PLCB1: variants seen among roughly 807,000 people sequenced by gnomAD.
PLCB1 encodes phospholipase C beta 1.
PLCB1 carries 46 observed loss-of-function variants against 161.8 expected under a neutral mutation model. The observed-to-expected ratio is 0.28, with a 90% CI of 0.22 to 0.36. PLCB1 has a LOEUF of 0.36. Ranked by LOEUF, PLCB1 falls within the 10% of genes least tolerant of loss-of-function variation. PLCB1 has a pLI of 1.00. For synonymous variants in PLCB1, 517 were observed against 503.7 expected (o/e 1.03, Z -0.35); for missense variants, 1,016 against 1,472.5 (o/e 0.69, Z 5.07).
intron 2 of PLCB1, among the ~76,000 whole-genome samples, chr20:8,199,914 C>T (rs942868668): frequency 6.6e-6 from 1 of 152,178 alleles, no homozygotes; most frequent in South Asian, 2.1e-4. Flanking sequence ...GTCGATTCTA[C>T]AGTGAGCATA....
chr20:8,669,159 T>C (rs1989886424), intron 9 of PLCB1, among the ~76,000 whole-genome samples: 1 of 152,242 alleles, frequency 6.6e-6, no homozygotes, highest in African/African-American at 2.4e-5. Context: ...ATCTAGCTAA[T>C]ATTCATTCAT....
At chr20:8,378,816 A>G (rs73591759) in intron 3 of PLCB1, among the ~76,000 whole-genome samples, 2,860 of 152,300 alleles carry the variant, frequency 0.019, 65 homozygotes, top group Middle Eastern at 0.058. Flanking sequence ...CTAAGTTTAT[A>G]TAATATTCTA....
At chr20:8,849,701 TAAAAG>T (rs1986820443) in intron 31 of PLCB1, among the ~76,000 whole-genome samples, 1 of 128,914 alleles carries the variant, frequency 7.8e-6, no homozygotes, top group African/African-American at 2.7e-5. Context: ...AATTAAAAAT[TAAAAG>T]AAAATATAAA....
intron 3 of PLCB1, among the ~76,000 whole-genome samples, chr20:8,516,728 T>C (rs1268656263): frequency 7.0e-6 from 1 of 143,762 alleles, no homozygotes. Context: ...ATTTTGATGC[T>C]ATATACTACT....
chr20:8,828,822 C>T (rs541839494), intron 31 of PLCB1, among the ~76,000 whole-genome samples: 3 of 152,260 alleles, frequency 2.0e-5, no homozygotes, highest in African/African-American at 4.8e-5. Context: ...AGATGAAATG[C>T]GTGGCTTTGT....
chr20:8,881,159 C>A (rs1024524906), intron 31 of PLCB1, among the ~76,000 whole-genome samples: 1 of 152,058 alleles, frequency 6.6e-6, no homozygotes, highest in African/African-American at 2.4e-5. Flanking sequence ...CGCCACTATA[C>A]CCAGCTCATT....
intron 4 of PLCB1, among the ~76,000 whole-genome samples, chr20:8,640,760 TC>T (rs372187030): frequency 9.8e-5 from 15 of 152,312 alleles, no homozygotes; most frequent in African/African-American, 2.6e-4. Context: ...CACCTGAGAC[TC>T]CCAGTGATAC....
chr20:8,251,517 T>C (rs561727778), intron 2 of PLCB1, among the ~76,000 whole-genome samples: 7 of 151,964 alleles, frequency 4.6e-5, no homozygotes, highest in Non-Finnish European at 1.5e-5. Context: ...CCAGAATCTA[T>C]CAGAGACTTT....
chr20:8,373,751 T>C (rs1199913057), intron 3 of PLCB1, among the ~76,000 whole-genome samples: 1 of 152,212 alleles, frequency 6.6e-6, no homozygotes, highest in Non-Finnish European at 1.5e-5. Flanking sequence ...AAAGCCACTT[T>C]TCATTTCACT....
intron 2 of PLCB1, among the ~76,000 whole-genome samples, chr20:8,266,934 G>GC (rs1981986207): frequency 6.6e-6 from 1 of 151,994 alleles, no homozygotes; most frequent in African/African-American, 2.4e-5. Context: ...AGCTACTTGG[G>GC]ATGCTGAGGC....
At chr20:8,607,142 A>G (rs1600188337) in intron 3 of PLCB1, among the ~76,000 whole-genome samples, 1 of 152,092 alleles carries the variant, frequency 6.6e-6, no homozygotes, top group Admixed American at 6.6e-5. Flanking sequence ...CCCACATCCC[A>G]TTCCTCAGCC....
intron 3 of PLCB1, among the ~76,000 whole-genome samples, chr20:8,434,662 A>G (rs1229562503): frequency 6.6e-6 from 1 of 152,228 alleles, no homozygotes; most frequent in Non-Finnish European, 1.5e-5. Context: ...ATGAAATAGG[A>G]GTTAACACTG....
chr20:8,415,545 G>A (rs1979232417), intron 3 of PLCB1, among the ~76,000 whole-genome samples: 1 of 152,178 alleles, frequency 6.6e-6, no homozygotes, highest in African/African-American at 2.4e-5. Flanking sequence ...GGGGAGTGAA[G>A]CAGAGAAAGG....
intron 3 of PLCB1, among the ~76,000 whole-genome samples, chr20:8,520,630 A>T (rs1364556377): frequency 1.3e-5 from 2 of 152,174 alleles, no homozygotes; most frequent in Non-Finnish European, 2.9e-5. Context: ...ATGGAATGTC[A>T]CCCCAAAAAT....
intron 3 of PLCB1, among the ~76,000 whole-genome samples, chr20:8,440,567 A>G (rs1202797989): frequency 6.6e-6 from 1 of 152,152 alleles, no homozygotes; most frequent in African/African-American, 2.4e-5. Flanking sequence ...CAGTCTTCCC[A>G]GGGCTTACCC....
Position 8,521,713 on chromosome 20 carries a change from A to G in PLCB1, c.247-106581A>G, listed in dbSNP as rs540600287. ...AATAAATTATGATTCACAGAATCCAATACATCCAATGATCCAATGGAATGC... is the reference window on the plus strand; with the variant it reads ...AATAAATTATGATTCACAGAATCCAGTACATCCAATGATCCAATGGAATGC... On this transcript the variant is annotated intron_variant, in intron 3 of 31. Transcript: ENST00000338037. Among the ~76,000 whole-genome samples the G allele has an allele frequency of 8.5e-5, 13 of 152,338 alleles. No homozygotes were observed. In the South Asian group the frequency reaches 1.7e-3, roughly 19 times the overall value.
rs1989000290 is a variant in PLCB1 at position 8,642,851 on chromosome 20, T to G, written c.385-3251T>G. Among the ~76,000 whole-genome samples, 5 of 152,232 alleles carry G rather than the reference T, an allele frequency of 3.3e-5. No individual in the cohort carries two copies. The South Asian group carries it at 1.0e-3, about 32-fold the overall frequency. On this transcript the variant is annotated intron_variant, in intron 4 of 31. Transcript: ENST00000338037. Reference sequence around the variant, plus strand: ...TACAAAACTGTATCTTGCCCTCAGTTATAGATACTTTTACCAATGCAGAAA... The same window carrying G: ...TACAAAACTGTATCTTGCCCTCAGTGATAGATACTTTTACCAATGCAGAAA...
intron 2 of PLCB1, among the ~76,000 whole-genome samples, chr20:8,352,024 C>CA (rs1986196659): frequency 1.3e-5 from 2 of 152,132 alleles, no homozygotes; most frequent in South Asian, 4.2e-4. Context: ...TTATGTCCCA[C>CA]AAAAACCTGC....
chr20:8,648,951 AAAAGAAAG>A (rs201575623), intron 6 of PLCB1, among the ~76,000 whole-genome samples: 2 of 150,876 alleles, frequency 1.3e-5, no homozygotes, highest in Non-Finnish European at 3.0e-5. Context: ...TAAAAAAAAA[AAAAGAAAG>A]AAAGAAAGAA....
Sources: gnomAD v4.1 joint callset for allele counts (sites outside exome capture counted in the v4.1 genomes callset) on GRCh38, gnomAD v4.1.1 for gene constraint, MANE v1.5 for transcripts, NCBI Gene and HGNC (gene_info 2026-07-23, HGNC 2026-07-21) for gene names.